The following CFAP65 variants were observed in gnomAD, a reference collection of about 807,000 sequenced individuals.
CFAP65 encodes cilia and flagella associated protein 65, also known as cilia- and flagella-associated protein 65.
In CFAP65, 155 loss-of-function variants were observed where a neutral mutation model predicts 208.0. The observed-to-expected ratio is 0.75, with a 90% CI of 0.65 to 0.85. CFAP65 has a LOEUF of 0.85. Among genes scored for constraint, CFAP65 ranks in the 40% least tolerant of loss-of-function variants. The pLI, the probability that CFAP65 is intolerant of heterozygous loss-of-function variation, is 0.00. For missense variants in CFAP65, 2,294 were observed against 2,451.3 expected, an observed-to-expected ratio of 0.94 and a Z score of 1.36; for synonymous variants, 970 against 986.3, an observed-to-expected ratio of 0.98 and a Z score of 0.31.
At chr2:219,035,337 C>G in intron 5 of CFAP65, 143 bp downstream of exon 5, 2 of 1,557,184 alleles carry the variant, frequency 1.3e-6, no homozygotes, top group Non-Finnish European at 1.7e-6. Flanking sequence ...CATAATTATT[C>G]ATACTGCACG....
At chr2:219,021,367 C>T in intron 18 of CFAP65, 87 bp from the exon 19 acceptor site, 28 of 1,416,310 alleles carry the variant, frequency 2.0e-5, no homozygotes, top group Non-Finnish European at 2.6e-5. Flanking sequence ...TCCCTGGGCA[C>T]CAGGGGAGGA....
Position 219,009,055 on chromosome 2 carries a change from T to G in CFAP65, c.4666A>C (p.Lys1556Gln). Reference sequence around the variant, plus strand: ...TACTCAGCCCTCCTCACCTTCACTTTCATGTCGGTGATGGTGAACTCCACT... The same window carrying G: ...TACTCAGCCCTCCTCACCTTCACTTGCATGTCGGTGATGGTGAACTCCACT... ...QEVEFTITDMKVKKRTCCTAC... is the reference protein window; with the variant it reads ...QEVEFTITDMQVKKRTCCTAC... Residue 1556 changes from lysine (K) to glutamine (Q), a missense_variant, in exon 29 of 35, where the codon AAA (lysine) becomes CAA (glutamine). By Grantham distance (53) the Lys-to-Gln change is moderately conservative. Transcript: ENST00000341552. 3.1e-6 allele frequency: 5 copies of G among 1,611,210 alleles called. No homozygotes were observed. The highest frequency in any genetic ancestry group is 4.2e-6 in the Non-Finnish European group (5 of 1,178,430).
At chr2:219,008,287 T>C (rs1021957779) in intron 29 of CFAP65, among the ~76,000 whole-genome samples, 4 of 152,068 alleles carry the variant, frequency 2.6e-5, no homozygotes, top group African/African-American at 9.7e-5. Flanking sequence ...CTGAAGCAAA[T>C]CCCAGATGTC....
Position 219,024,087 on chromosome 2 carries a change from G to T in CFAP65, c.2523C>A (p.Thr841=), listed in dbSNP as rs761147093. Residue 841 remains threonine, a synonymous_variant, in exon 15 of 35, where the codon ACC becomes ACA. Transcript: ENST00000341552. ...PGAHQIILIC[T]YPEGSSWKQH... ...GCTTCCAGGAGCTGCCCTCAGGGTA[G>T]GTGCAGATGAGGATGATCTGGTGGG... The T allele has an allele frequency of 3.1e-6, 5 of 1,613,998 alleles. No individual in the cohort carries two copies. The East Asian group carries it at 1.1e-4, about 36-fold the overall frequency.
chr2:219,024,473 G>GA (rs372295405), intron 14 of CFAP65, among the ~76,000 whole-genome samples: 2,661 of 102,052 alleles, frequency 0.026, 298 homozygotes, highest in African/African-American at 0.11. Flanking sequence ...TCCAGAAAGG[G>GA]GCGGGGGGGG....
chr2:219,031,009 G>T lies in CFAP65; in HGVS notation c.1015+97C>A. 1 of 1,447,298 alleles carries T rather than the reference G, an allele frequency of 6.9e-7. No homozygotes were observed. The highest frequency in any genetic ancestry group is 9.3e-7 in the Non-Finnish European group (1 of 1,072,612). The allele number at this position is 1,447,298 out of a possible 1,614,324, so 89.7% of individuals were successfully genotyped here. A position where few individuals can be genotyped will look rare whatever the true frequency, so the allele number is the denominator to read the frequency against. The stretch of plus-strand genomic sequence containing the variant: ...GAGGGCAGGAGGCCGGTGGAGGCGG[G>T]GGCCAGGCCAGATGGGAGGTGGGGG... On this transcript the variant is annotated intron_variant, in intron 8 of 34. Transcript: ENST00000341552. This position sits in a 1 kb window ranked among gnomAD's most constrained non-coding sequence, Gnocchi z 5.2.
At chr2:219,022,741 A>G (rs963249803) in intron 16 of CFAP65, among the ~76,000 whole-genome samples, 1 of 151,964 alleles carries the variant, frequency 6.6e-6, no homozygotes, top group Non-Finnish European at 1.5e-5. Context: ...GGCCTCCCCA[A>G]CCCGTCGGTA....
In CFAP65 at chr2:219,032,229, T is replaced by C. The variant is rs1202008438; in HGVS notation, c.645+241A>G. On this transcript the variant is annotated intron_variant, in intron 6 of 34. Transcript: ENST00000341552. This position sits in a 1 kb window ranked among gnomAD's most constrained non-coding sequence, Gnocchi z 5.5. Reference sequence around the variant, plus strand: ...AGTCACCGTCCCCGGCCACGGAATGTAGGACTTTCTGATGGCCAATATAAT... The same window carrying C: ...AGTCACCGTCCCCGGCCACGGAATGCAGGACTTTCTGATGGCCAATATAAT... 6.6e-6 allele frequency among the ~76,000 whole-genome samples: 1 copy of C among 152,200 alleles called. No homozygotes were observed. The highest frequency in any genetic ancestry group is 1.5e-5 in the Non-Finnish European group (1 of 68,034).
rs1337648678 is a variant in CFAP65, at chr2:219,032,764, C to G, written c.543-192G>C. On this transcript the variant is annotated intron_variant, in intron 5 of 34. Transcript: ENST00000341552. This position sits in a 1 kb window ranked among gnomAD's most constrained non-coding sequence, Gnocchi z 5.5. ...CAAGAGGACCCACCCTCCTCCTCCCCCTCCTATTCTCAGAGATCTTCACTC... is the reference window on the plus strand; with the variant it reads ...CAAGAGGACCCACCCTCCTCCTCCCGCTCCTATTCTCAGAGATCTTCACTC... 6.6e-6 allele frequency among the ~76,000 whole-genome samples: 1 copy of G among 151,602 alleles called. No individual in the cohort carries two copies.
Position 219,029,386 on chromosome 2 carries a change from C to A in CFAP65, c.1650+17G>T. 6.2e-7 allele frequency: 1 copy of A among 1,605,822 alleles called. No homozygotes were observed. The highest frequency in any genetic ancestry group is 8.5e-7 in the Non-Finnish European group (1 of 1,174,860). ...GAGCCCCTCCTCCCTCAGCCTCATG[C>A]CCTCCCCACGACTCACCTGGTGGTG... On this transcript the variant is annotated intron_variant, in intron 11 of 34. Transcript: ENST00000341552.
At chr2:219,012,436 G>A (rs929976406) in intron 24 of CFAP65, among the ~76,000 whole-genome samples, 1 of 152,230 alleles carries the variant, frequency 6.6e-6, no homozygotes, top group Non-Finnish European at 1.5e-5. Context: ...GAGGGGTAGC[G>A]GGTGGGTATG....
At chr2:219,038,267 A>T in intron 4 of CFAP65, 108 bp downstream of exon 4, 1 of 991,446 alleles carries the variant, frequency 1.0e-6, no homozygotes, top group Non-Finnish European at 1.5e-6. Context: ...GCTCAGATGC[A>T]GAGGGAAGAG....
intron 29 of CFAP65, among the ~76,000 whole-genome samples, 181 bp downstream of exon 29, chr2:219,008,866 C>T (rs1375897554): frequency 1.3e-5 from 2 of 152,214 alleles, no homozygotes; most frequent in African/African-American, 4.8e-5. Flanking sequence ...CCTTCTCTAC[C>T]CAGAGAGCCT....
intron 2 of CFAP65, 99 bp downstream of exon 2, chr2:219,040,420 G>A (rs1574669699): frequency 1.3e-6 from 1 of 750,518 alleles, no homozygotes; most frequent in East Asian, 2.7e-5. Context: ...CCCTCTGGAG[G>A]GGACTATCTA....
At chr2:219,018,874 G>C in intron 21 of CFAP65, 177 bp downstream of exon 21, 1 of 780,008 alleles carries the variant, frequency 1.3e-6, no homozygotes, top group Non-Finnish European at 2.1e-6. Context: ...TGACAGGCCC[G>C]GAGTCCTGCT....
intron 4 of CFAP65, among the ~76,000 whole-genome samples, chr2:219,038,074 T>A (rs1948466579): frequency 1.3e-5 from 2 of 152,140 alleles, no homozygotes. Flanking sequence ...CACTCACTGC[T>A]CCCAGCACTC....
rs77211729 is a variant in CFAP65, at chr2:219,027,083, G to A, written c.2211+567C>T. ...ACCTTGGCCTCTGGGCAAGGGCAGT[G>A]GGGTGGGCAGAGTCAAGAAGGAAGG... On this transcript the variant is annotated intron_variant, in intron 13 of 34. Transcript: ENST00000341552. The A allele has an allele frequency of 9.2e-3, 9,555 of 1,038,566 alleles. 651 individuals are homozygous for A. In the African/African-American group the frequency reaches 0.15, roughly 16 times the overall value. 64.3% of individuals were successfully genotyped at this position (1,038,566 alleles called of 1,614,324 possible).
Position 219,021,280 on chromosome 2 carries a change from G to A in CFAP65, c.3131C>T (p.Ala1044Val). Residue 1044 changes from alanine to valine, a missense_variant and splice_region_variant, in exon 19 of 35, where the codon GCT becomes GTT. By Grantham distance (64) the Ala-to-Val change is moderately conservative (BLOSUM62 0). This residue lies in a region of CFAP65 where 1,427 missense variants were observed against 1,438.7 expected (regional missense o/e 0.99). Coordinates refer to ENST00000341552, the MANE Select transcript of CFAP65 (RefSeq NM_194302.4). Reference sequence around the variant, plus strand: ...CCCCTCTGTTCGGTCCAGCTGCAGAGCTGCTCAGGGATGATGCCGGAGGGT... The same window carrying A: ...CCCCTCTGTTCGGTCCAGCTGCAGAACTGCTCAGGGATGATGCCGGAGGGT... ...SPEAVDNHPL[A>V]LQLDRTEGSM... is the part of the protein sequence containing the mutation. The A allele has an allele frequency of 1.3e-6, 2 of 1,586,608 alleles. No individual in the cohort carries two copies. The highest frequency in any genetic ancestry group is 3.5e-5 in the Admixed American group (2 of 57,558).
At chr2:219,007,086 T>C (rs1946062005) in intron 29 of CFAP65, among the ~76,000 whole-genome samples, 1 of 152,016 alleles carries the variant, frequency 6.6e-6, no homozygotes, top group African/African-American at 2.4e-5. Flanking sequence ...GAGAAATCAG[T>C]CTCCCTCATT....
Sources: gnomAD v4.1 joint callset for allele counts (sites outside exome capture counted in the v4.1 genomes callset) on GRCh38, gnomAD v4.1.1 for gene constraint, gnomAD v4.1.1 regional missense constraint, Gnocchi (gnomAD v3.1) non-coding constraint, MANE v1.5 for transcripts, NCBI Gene and HGNC (gene_info 2026-07-23, HGNC 2026-07-21) for gene names.